PTPRT: variants seen among roughly 807,000 people sequenced by gnomAD.
The protein encoded by PTPRT is receptor-type tyrosine-protein phosphatase T.
PTPRT carries 56 observed loss-of-function variants against 176.8 expected under a neutral mutation model. That is an observed-to-expected ratio of 0.32 (90% CI 0.26 to 0.40). The LOEUF (loss-of-function observed/expected upper bound fraction) is 0.40, where lower values mean the gene tolerates loss of function less well. Ranked by LOEUF, PTPRT falls within the 10% of genes least tolerant of loss-of-function variation. The pLI is 1.00. For missense variants in PTPRT, 1,540 were observed against 1,908.2 expected, an observed-to-expected ratio of 0.81 and a Z score of 3.60; for synonymous variants, 783 against 739.0, an observed-to-expected ratio of 1.06 and a Z score of -0.96.
chr20:43,029,695 C>A (rs1373415348), intron 1 of PTPRT, among the ~76,000 whole-genome samples: 1 of 152,214 alleles, frequency 6.6e-6, no homozygotes, highest in Non-Finnish European at 1.5e-5. Context: ...ATATCCCAGA[C>A]CCTGTGGTCA....
Position 42,586,517 on chromosome 20 carries a change from C to G in PTPRT, c.1153+91349G>C, listed in dbSNP as rs73906967. ...AGCTCCCAAAGTGGGGACTCCTCCA[C>G]CAGAGCCTGCATTTTCCACTTTTTG... is the stretch of plus-strand genomic sequence containing the variant. On this transcript the variant is annotated intron_variant, in intron 7 of 30. Transcript: ENST00000373187. Among the ~76,000 whole-genome samples the G allele has an allele frequency of 2.3e-3, 354 of 152,268 alleles. 2 individuals are homozygous for G. Among genetic ancestry groups the G allele is most frequent in the Admixed American group, 5.9e-3 (90 of 15,296 alleles).
intron 13 of PTPRT, among the ~76,000 whole-genome samples, chr20:42,264,783 A>C (rs1259694807): frequency 6.6e-6 from 1 of 152,064 alleles, no homozygotes; most frequent in Non-Finnish European, 1.5e-5. Context: ...TTATATCCTA[A>C]AGCTTTGATG....
At chr20:42,442,128 C>A (rs2059321875) in intron 9 of PTPRT, among the ~76,000 whole-genome samples, 1 of 152,186 alleles carries the variant, frequency 6.6e-6, no homozygotes, top group Non-Finnish European at 1.5e-5. Flanking sequence ...GAGCCAGGAA[C>A]CTTCTCTGGG....
chr20:42,778,750 T>C (rs1213944395), intron 4 of PTPRT, among the ~76,000 whole-genome samples: 1 of 152,234 alleles, frequency 6.6e-6, no homozygotes, highest in East Asian at 1.9e-4. Context: ...TATTTCACCC[T>C]AGTGAAGGAG....
At chr20:42,833,863 G>A (rs1318387135) in intron 2 of PTPRT, among the ~76,000 whole-genome samples, 1 of 152,088 alleles carries the variant, frequency 6.6e-6, no homozygotes, top group African/African-American at 2.4e-5. Context: ...CTCACTATAT[G>A]TAAAAGTTTA....
intron 8 of PTPRT, among the ~76,000 whole-genome samples, chr20:42,463,986 G>A (rs1253872100): frequency 6.6e-6 from 1 of 152,082 alleles, no homozygotes; most frequent in East Asian, 1.9e-4. Context: ...TTCACAACCT[G>A]CTCTCCAGGG....
rs527283794 is a variant in PTPRT at position 42,128,787 on chromosome 20, C to A, written c.2814G>T (p.Pro938=). Residue 938 remains proline, a synonymous_variant, in exon 19 of 31, where the codon CCG becomes CCT. Transcript: ENST00000373187. ...AGTTGGCATTGATGTAGTCAGAGTGCGGGTCTCCATCCAGCACCAGCAGCC... is the reference window on the plus strand; with the variant it reads ...AGTTGGCATTGATGTAGTCAGAGTGAGGGTCTCCATCCAGCACCAGCAGCC... ...RVRLLVLDGD[P]HSDYINANYI... is the part of the protein sequence containing the mutation. 3.7e-6 allele frequency: 6 copies of A among 1,605,756 alleles called. No homozygotes were observed. Among genetic ancestry groups the A allele is most frequent in the South Asian group, 1.1e-5 (1 of 89,746 alleles).
In PTPRT at chr20:42,618,129, G is replaced by A. The variant is rs562772618; in HGVS notation, c.1153+59737C>T. ...GCTTTGAATGCGTCCCAGAGATTCT[G>A]GTATGTCGTGTCTTTGTTCTCGTTG... On this transcript the variant is annotated intron_variant, in intron 7 of 30. Transcript: ENST00000373187. 7.8e-3 allele frequency among the ~76,000 whole-genome samples: 1,048 copies of A among 134,404 alleles called. 259 individuals carry two copies. Among genetic ancestry groups the A allele is most frequent in the African/African-American group, 0.034 (1,014 of 30,066 alleles). The allele number at this position is 134,404 out of a possible 152,430, so 88.2% of individuals were successfully genotyped here. A position where few individuals can be genotyped will look rare whatever the true frequency, so the allele number is the denominator to read the frequency against.
chr20:42,448,387 C>T (rs1022169824), intron 8 of PTPRT, 58 bp from the exon 9 acceptor site: 15 of 1,351,366 alleles, frequency 1.1e-5, no homozygotes, highest in African/African-American at 7.2e-5. Flanking sequence ...TCTCCAGCCC[C>T]GCTGACCTAG....
chr20:43,052,655 A>G (rs923693435), intron 1 of PTPRT, among the ~76,000 whole-genome samples: 1 of 152,254 alleles, frequency 6.6e-6, no homozygotes, highest in Non-Finnish European at 1.5e-5. Context: ...TTCAGATACC[A>G]TATGATTCAC....
intron 14 of PTPRT, among the ~76,000 whole-genome samples, chr20:42,237,280 A>C (rs1249345796): frequency 6.6e-6 from 1 of 152,218 alleles, no homozygotes; most frequent in African/African-American, 2.4e-5. Context: ...TGACCGGCGC[A>C]AAGTCCAACC....
At chr20:42,879,733 ATG>A (rs11468460) in intron 2 of PTPRT, among the ~76,000 whole-genome samples, 40,685 of 148,758 alleles carry the variant, frequency 0.27, 5,554 homozygotes, top group African/African-American at 0.34. Context: ...GTTGGGTGAA[ATG>A]TGTGTGTGTG....
At chr20:43,083,331 T>TATATATATATATATATATAC (rs2011497832) in intron 1 of PTPRT, among the ~76,000 whole-genome samples, 1 of 94,152 alleles carries the variant, frequency 1.1e-5, no homozygotes, top group African/African-American at 5.2e-5. Flanking sequence ...TATATATATA[T>TATATATATATATATATATAC]ATATATATAT....
chr20:42,035,923 C>A, the PTPRT span, among the ~76,000 whole-genome samples: 18 of 152,124 alleles, frequency 1.2e-4, no homozygotes, highest in African/African-American at 4.3e-4. Context: ...GTTTTTGTTC[C>A]ATCTAAAGTA....
chr20:42,067,427 C>T, the PTPRT span, among the ~76,000 whole-genome samples: 2 of 152,088 alleles, frequency 1.3e-5, no homozygotes, highest in Non-Finnish European at 1.5e-5. Flanking sequence ...TGGGCGTAAG[C>T]ATTGCTGCAA....
At chr20:42,347,503 C>A (rs1006786482) in intron 11 of PTPRT, among the ~76,000 whole-genome samples, 1 of 152,116 alleles carries the variant, frequency 6.6e-6, no homozygotes, top group African/African-American at 2.4e-5. Flanking sequence ...GCTCAATACC[C>A]CTGGGTTGCA....
intron 29 of PTPRT, 28 bp downstream of exon 29, chr20:42,084,654 G>T: frequency 1.0e-5 from 14 of 1,406,782 alleles, no homozygotes; most frequent in Non-Finnish European, 1.3e-5. Flanking sequence ...CCACCCTATT[G>T]CCCTGGTGAC....
At chr20:42,224,892 C>T (rs778683936) in intron 15 of PTPRT, among the ~76,000 whole-genome samples, 4 of 152,164 alleles carry the variant, frequency 2.6e-5, no homozygotes, top group African/African-American at 4.8e-5. Flanking sequence ...TTGCCAGCCA[C>T]ATCTCAATAA....
chr20:43,071,700 G>A (rs898988588), intron 1 of PTPRT, among the ~76,000 whole-genome samples: 48 of 152,202 alleles, frequency 3.2e-4, no homozygotes, highest in Non-Finnish European at 5.9e-4. Flanking sequence ...CAGGAGAATC[G>A]CTTGAACCCA....
Sources: allele counts gnomAD v4.1 joint callset (sites outside exome capture counted in the v4.1 genomes callset), GRCh38; gene constraint gnomAD v4.1.1; transcripts MANE v1.5; gene names NCBI Gene and HGNC (gene_info 2026-07-23, HGNC 2026-07-21).